ANKRD26: variants seen among roughly 807,000 people sequenced by gnomAD.
The protein encoded by ANKRD26 is ankyrin repeat domain-containing protein 26.
ANKRD26 carries 141 observed loss-of-function variants against 208.7 expected under a neutral mutation model. The observed-to-expected ratio is 0.68, with a 90% CI of 0.59 to 0.78. The LOEUF (loss-of-function observed/expected upper bound fraction) is 0.78, where lower values mean the gene tolerates loss of function less well. ANKRD26 is among the 30% of genes least tolerant of loss of function. The pLI, the probability that ANKRD26 is intolerant of heterozygous loss-of-function variation, is 0.00. For missense variants in ANKRD26, 1,889 were observed against 1,938.7 expected, an observed-to-expected ratio of 0.97 and a Z score of 0.48; for synonymous variants, 636 against 660.4, an observed-to-expected ratio of 0.96 and a Z score of 0.57.
intron 4 of ANKRD26, among the ~76,000 whole-genome samples, chr10:26,997,610 G>A (rs918298095): frequency 2.0e-4 from 31 of 152,148 alleles, no homozygotes; most frequent in Non-Finnish European, 1.0e-4. Context: ...ATTGTGTTGG[G>A]AGAAAAGCTG....
chr10:27,069,660 T>C (rs1373248064), intron 9 of ANKRD26, among the ~76,000 whole-genome samples: 2 of 152,054 alleles, frequency 1.3e-5, no homozygotes, highest in Non-Finnish European at 2.9e-5. Context: ...AGAGTAGAAG[T>C]AGATGACCTC....
At position 27,035,576 on chromosome 10, in the gene ANKRD26, C is replaced by A; in HGVS notation, c.2874G>T (p.Lys958Asn). 6.2e-7 allele frequency: 1 copy of A among 1,612,126 alleles called. No homozygotes were observed. Among genetic ancestry groups the A allele is most frequent in the Non-Finnish European group, 8.5e-7 (1 of 1,179,434 alleles). The change falls in exon 24 of 34, where the codon AAG (lysine) becomes AAT (asparagine). Residue 958 changes from lysine (K) to asparagine (N), a missense_variant. By Grantham distance (94) the Lys-to-Asn change is moderately conservative. This residue lies in a region of ANKRD26 where 1,272 missense variants were observed against 1,273.8 expected (regional missense o/e 1.00). Transcript: ENST00000376087. ...ATGTTTCCTCATTCTGTTTTATAGT[C>A]TTCTGAAGGTCTTCATTCTTTTCTT... ...IVKEKNEDLQKTIKQNEETLT... is the reference protein window; with the variant it reads ...IVKEKNEDLQNTIKQNEETLT...
chr10:26,981,875 C>T (rs1444308000), intron 4 of ANKRD26, among the ~76,000 whole-genome samples: 2 of 152,130 alleles, frequency 1.3e-5, no homozygotes, highest in African/African-American at 4.8e-5. Context: ...ATCTGTGTGG[C>T]AGGGGCTCAA....
chr10:27,085,438 A>C (rs961056536), intron 5 of ANKRD26, among the ~76,000 whole-genome samples: 12 of 152,108 alleles, frequency 7.9e-5, no homozygotes, highest in African/African-American at 2.9e-4. Flanking sequence ...AATGTATCTC[A>C]TTCTATTTCA....
At chr10:27,079,378 C>T (rs879761798) in intron 6 of ANKRD26, among the ~76,000 whole-genome samples, 6 of 152,054 alleles carry the variant, frequency 3.9e-5, no homozygotes, top group Non-Finnish European at 8.8e-5. Flanking sequence ...TCTACCTCTC[C>T]GAAACTATAA....
chr10:26,951,959 C>A, the ANKRD26 span, among the ~76,000 whole-genome samples: 540 of 88,536 alleles, frequency 6.1e-3, no homozygotes, highest in Middle Eastern at 0.014. Flanking sequence ...CCCCTTCTTT[C>A]TCATCTCTTC....
At chr10:27,076,317 C>T (rs995201910) in intron 9 of ANKRD26, among the ~76,000 whole-genome samples, 1 of 150,442 alleles carries the variant, frequency 6.6e-6, no homozygotes, top group African/African-American at 2.4e-5. Flanking sequence ...GGCTGAAGTG[C>T]AATGGCGTGA....
chr10:27,078,990 A>G, intron 7 of ANKRD26, 99 bp downstream of exon 7: 1 of 955,768 alleles, frequency 1.0e-6, no homozygotes, highest in Non-Finnish European at 1.7e-6. Context: ...CATTACAAAC[A>G]GAAAACAATG....
intron 27 of ANKRD26, among the ~76,000 whole-genome samples, chr10:27,028,042 C>T (rs1014336113): frequency 6.6e-6 from 1 of 152,172 alleles, no homozygotes; most frequent in Non-Finnish European, 1.5e-5. Context: ...TTAAGATAGG[C>T]TAGGCTAAGC....
chr10:27,086,707 C>G (rs867344769), intron 4 of ANKRD26, 98 bp from the exon 5 acceptor site: 9 of 1,321,758 alleles, frequency 6.8e-6, no homozygotes, highest in Non-Finnish European at 9.2e-6. Flanking sequence ...ATTATCAGAG[C>G]TAACAGCAGA....
chr10:26,955,796 TTATCA>T, the ANKRD26 span, among the ~76,000 whole-genome samples: 9 of 152,200 alleles, frequency 5.9e-5, no homozygotes. Context: ...CTGTTTTATT[TTATCA>T]GCTGTGGTTC....
At position 27,082,664 on chromosome 10, in the gene ANKRD26, A is replaced by G. The variant is rs942744814; in HGVS notation, c.740+139T>C. The stretch of plus-strand genomic sequence containing the variant: ...GAACCACACAGTTGGGTTGTAATAT[A>G]GCACAGATACTTTGCAAAGCTGTTG... On this transcript the variant is annotated intron_variant, in intron 6 of 33. Transcript: ENST00000376087. 3.2e-6 allele frequency: 4 copies of G among 1,268,164 alleles called. No homozygotes were observed. In the Admixed American group the frequency reaches 1.1e-4, roughly 36 times the overall value. The allele number at this position is 1,268,164 out of a possible 1,614,324, so 78.6% of individuals were successfully genotyped here.
chr10:26,994,416 G>C (rs1003502929), intron 5 of ANKRD26, among the ~76,000 whole-genome samples: 4 of 152,028 alleles, frequency 2.6e-5, no homozygotes, highest in African/African-American at 4.8e-5. Context: ...TTCCATAAGG[G>C]GCATCTGACA....
rs373572737 is a variant in ANKRD26 at position 27,100,328 on chromosome 10, G to T, written c.-2C>A. Reference sequence around the variant, plus strand: ...CTTCTTACTAAAAATCTTCTTCATGGCCCAGGCGACCGGGCTTCAGAGACA... The same window carrying T: ...CTTCTTACTAAAAATCTTCTTCATGTCCCAGGCGACCGGGCTTCAGAGACA... On this transcript the variant is annotated 5_prime_UTR_variant, in exon 1 of 34. Transcript: ENST00000376087. 17 of 1,606,566 alleles carry T rather than the reference G, an allele frequency of 1.1e-5. No homozygotes were observed. In the Admixed American group the frequency reaches 2.5e-4, roughly 24 times the overall value.
chr10:27,083,033 C>T (rs1450605268), intron 5 of ANKRD26, among the ~76,000 whole-genome samples, 200 bp from the exon 6 acceptor site: 1 of 152,116 alleles, frequency 6.6e-6, no homozygotes, highest in Non-Finnish European at 1.5e-5. Flanking sequence ...AGACCTGCCA[C>T]TCTTCTCTAC....
chr10:27,077,352 G>A lies in ANKRD26; in HGVS notation c.1063C>T (p.Pro355Ser). ...AAACAACTTACCTTCATAAGACCAGGGTTTGCTAACGACTTGTGGGAAGGT... is the reference window on the plus strand; with the variant it reads ...AAACAACTTACCTTCATAAGACCAGAGTTTGCTAACGACTTGTGGGAAGGT... The part of the protein sequence containing the change: ...PKPSHKSLAN[P>S]GLMKEEPTKP... The change falls in exon 9 of 34, where the codon CCT (proline) becomes TCT (serine). Residue 355 changes from proline (P) to serine (S), a missense_variant. Pro to Ser is a moderately conservative substitution (Grantham distance 74). Around this residue, in one of 3 missense-constraint regions of ANKRD26, gnomAD observed 1,272 missense variants for 1,273.8 expected, o/e 1.00. Coordinates refer to ENST00000376087, the MANE Select transcript of ANKRD26 (RefSeq NM_014915.3). 4.3e-6 allele frequency: 7 copies of A among 1,613,668 alleles called. No homozygotes were observed. Among genetic ancestry groups the A allele is most frequent in the Non-Finnish European group, 5.9e-6 (7 of 1,179,634 alleles).
chr10:27,049,635 A>G (rs1048217356), intron 16 of ANKRD26, among the ~76,000 whole-genome samples: 2 of 152,190 alleles, frequency 1.3e-5, no homozygotes, highest in Non-Finnish European at 2.9e-5. Context: ...CTAAAATTTT[A>G]TAGCTGGAGG....
rs769660091 is a variant in ANKRD26, at chr10:27,035,630, C to A, written c.2820G>T (p.Lys940Asn). 1.9e-5 allele frequency: 30 copies of A among 1,591,930 alleles called. No homozygotes were observed. In the East Asian group the frequency reaches 4.2e-4, roughly 23 times the overall value. Reference protein sequence around the residue: ...TIKNQNQEKEKKCFEDLKIVK... With the variant: ...TIKNQNQEKENKCFEDLKIVK... ...CAATTTTAAGGTCCTCAAAACATTT[C>A]TTTTCTTTTTCCTGGTTTTGATTTT... is the stretch of plus-strand genomic sequence containing the variant. Residue 940 changes from lysine (K) to asparagine (N), a missense_variant, in exon 24 of 34, where the codon AAG becomes AAT. Around this residue, in one of 3 missense-constraint regions of ANKRD26, gnomAD observed 1,272 missense variants for 1,273.8 expected, o/e 1.00. Coordinates refer to ENST00000376087, the MANE Select transcript of ANKRD26 (RefSeq NM_014915.3).
chr10:26,968,926 G>A (rs56279528), downstream of ANKRD26, among the ~76,000 whole-genome samples: 2,164 of 152,238 alleles, frequency 0.014, 15 homozygotes, highest in Middle Eastern at 0.037. Context: ...AAATTTAAGT[G>A]CCCATTACCT....
Sources: allele counts gnomAD v4.1 joint callset (sites outside exome capture counted in the v4.1 genomes callset), GRCh38; gene constraint gnomAD v4.1.1; regional missense constraint gnomAD v4.1.1; transcripts MANE v1.5; gene names NCBI Gene and HGNC (gene_info 2026-07-23, HGNC 2026-07-21).